Variants in ABCA4 observed in about 807,000 individuals in gnomAD.
ABCA4 encodes the protein ATP binding cassette subfamily A member 4, also known as retinal-specific phospholipid-transporting ATPase ABCA4.
Under a neutral mutation model 263.7 loss-of-function variants are expected in ABCA4, and 196 were observed. The ratio of observed to expected loss-of-function variants is 0.74; its 90% CI spans 0.66 to 0.84. The LOEUF (loss-of-function observed/expected upper bound fraction) is 0.84, where lower values mean the gene tolerates loss of function less well. ABCA4 is among the 40% of genes least tolerant of loss of function. The probability of loss-of-function intolerance (pLI) is 0.00; values close to 1 mark genes in which losing one functional copy is unlikely to be tolerated. For missense variants in ABCA4, 2,792 were observed against 2,855.1 expected (o/e 0.98, Z 0.50); for synonymous variants, 1,133 against 1,094.2 (o/e 1.04, Z -0.70).
At chr1:94,090,104 A>C (rs949798124) in intron 6 of ABCA4, among the ~76,000 whole-genome samples, 1 of 152,076 alleles carries the variant, frequency 6.6e-6, no homozygotes, top group Non-Finnish European at 1.5e-5. Context: ...GATGTGGGGG[A>C]AACAGGAGTA....
At chr1:94,106,444 G>A (rs748265201) in intron 4 of ABCA4, among the ~76,000 whole-genome samples, 27 of 152,112 alleles carry the variant, frequency 1.8e-4, no homozygotes, top group Non-Finnish European at 2.8e-4. Flanking sequence ...ATGTCATCCC[G>A]CCAGGAGCTG....
At position 94,025,010 on chromosome 1, in the gene ABCA4, C is replaced by T. The variant is rs138831474; in HGVS notation, c.4578G>A (p.Thr1526=). ...CCAAGAAGTCGGAGATGTTCCTGTC[C>T]GTCAGGTCTTGTAGAATTTCCGTGC... ...QRSTEILQDL[T]DRNISDFLVK... Residue 1526 remains threonine, a synonymous_variant, in exon 31 of 50, where the codon ACG becomes ACA. Coordinates refer to ENST00000370225, the MANE Select transcript of ABCA4 (RefSeq NM_000350.3). 3.1e-4 allele frequency: 498 copies of T among 1,614,140 alleles called. No individual in the cohort carries two copies. Among genetic ancestry groups the T allele is most frequent in the Non-Finnish European group, 3.8e-4 (448 of 1,180,018 alleles).
intron 11 of ABCA4, among the ~76,000 whole-genome samples, chr1:94,066,629 G>A (rs1661275440): frequency 6.6e-6 from 1 of 152,230 alleles, no homozygotes; most frequent in African/African-American, 2.4e-5. Context: ...GAGGAGCAAA[G>A]GGCCTTGCCC....
rs201353337 is a variant in ABCA4 at position 94,019,648 on chromosome 1, C to T, written c.5130G>A (p.Lys1710=). 1 of 1,612,794 alleles carries T rather than the reference C, an allele frequency of 6.2e-7. No homozygotes were observed. Residue 1710 remains lysine (K), a synonymous_variant, in exon 36 of 50, where the codon AAG becomes AAA. Coordinates refer to ENST00000370225, the MANE Select transcript of ABCA4 (RefSeq NM_000350.3). ...TCACTCCACTGATAAACTGGAGGTG[C>T]TTGGATTTGTTCACCCGCTCCTGGA... The part of the protein sequence containing the change: ...YLIQERVNKS[K]HLQFISGVSP...
At chr1:94,008,672 G>T in intron 41 of ABCA4, 79 bp downstream of exon 41, 1 of 1,597,848 alleles carries the variant, frequency 6.3e-7, no homozygotes, top group Non-Finnish European at 8.6e-7. Flanking sequence ...CATATCAATT[G>T]TTCTATAGAA....
At chr1:94,066,888 G>A (rs1204128843) in intron 11 of ABCA4, among the ~76,000 whole-genome samples, 1 of 152,214 alleles carries the variant, frequency 6.6e-6, no homozygotes, top group Non-Finnish European at 1.5e-5. Context: ...AATATCTATT[G>A]AACACTTAAA....
At chr1:94,069,822 G>A (rs554410978) in intron 11 of ABCA4, among the ~76,000 whole-genome samples, 4 of 152,132 alleles carry the variant, frequency 2.6e-5, no homozygotes, top group Admixed American at 1.3e-4. Context: ...CATCTGAAAC[G>A]TTCACCCACA....
At chr1:93,999,610 G>A (rs925852835) in intron 47 of ABCA4, among the ~76,000 whole-genome samples, 7 of 152,186 alleles carry the variant, frequency 4.6e-5, no homozygotes, top group East Asian at 1.9e-4. Flanking sequence ...CACGGCTAGC[G>A]GGTGTCAGTA....
chr1:94,047,053 C>T lies in ABCA4; in HGVS notation c.2784G>A (p.Gly928=). The change falls in exon 19 of 50, where the codon GGG becomes GGA. Residue 928 remains glycine (G), a synonymous_variant. Coordinates refer to ENST00000370225, the MANE Select transcript of ABCA4 (RefSeq NM_000350.3). ...TCTTTACCAGATTCTTCACGCATAC[C>T]CCAGGAACCCACCCTGGATGCTCAC... ...FEREHPGWVP[G]VCVKNLVKIF... 7.4e-6 allele frequency: 12 copies of T among 1,614,114 alleles called. 1 individual carries two copies. The South Asian group carries it at 8.8e-5, about 12-fold the overall frequency.
At chr1:94,020,591 G>A (rs548617822) in intron 35 of ABCA4, among the ~76,000 whole-genome samples, 1 of 152,218 alleles carries the variant, frequency 6.6e-6, no homozygotes, top group African/African-American at 2.4e-5. Flanking sequence ...ACACCAAGGA[G>A]CCAAGGCCCA....
In ABCA4 at chr1:94,030,416, G is replaced by A. The variant is rs749028617; in HGVS notation, c.4352+12C>T. ...GCTAGTCTTCTTAGGACAGGGGCGC[G>A]TAGGCACTTACGGAAGCCACCCTTC... On this transcript the variant is annotated intron_variant, in intron 29 of 49. Coordinates refer to ENST00000370225, the MANE Select transcript of ABCA4 (RefSeq NM_000350.3). 3.2e-5 allele frequency: 51 copies of A among 1,613,304 alleles called. No individual in the cohort carries two copies. Among genetic ancestry groups the A allele is most frequent in the African/African-American group, 6.7e-5 (5 of 74,918 alleles).
At chr1:94,001,803 C>T (rs776182869) in intron 45 of ABCA4, 55 bp downstream of exon 45, 26 of 1,613,536 alleles carry the variant, frequency 1.6e-5, no homozygotes, top group Non-Finnish European at 2.1e-5. Flanking sequence ...TTTCCCCAAC[C>T]CAAGAGACCC....
chr1:94,105,885 C>T (rs767286617), intron 4 of ABCA4, among the ~76,000 whole-genome samples: 17 of 152,192 alleles, frequency 1.1e-4, no homozygotes, highest in Non-Finnish European at 1.9e-4. Flanking sequence ...CAGAAGCACG[C>T]ACCAGCACCA....
chr1:94,088,890 G>A (rs549557734), intron 6 of ABCA4, among the ~76,000 whole-genome samples: 2 of 152,312 alleles, frequency 1.3e-5, no homozygotes, highest in South Asian at 4.1e-4. Flanking sequence ...ATGTCTCCAG[G>A]GAGGCTGCGC....
chr1:94,119,674 G>A (rs543649157), intron 1 of ABCA4, among the ~76,000 whole-genome samples: 1 of 152,032 alleles, frequency 6.6e-6, no homozygotes, highest in Non-Finnish European at 1.5e-5. Context: ...CAGCCCTAGG[G>A]GTGGGAGCTG....
intron 30 of ABCA4, among the ~76,000 whole-genome samples, chr1:94,028,713 C>G (rs1660103055): frequency 6.6e-6 from 1 of 151,904 alleles, no homozygotes; most frequent in Non-Finnish European, 1.5e-5. Context: ...TCAACACCAG[C>G]CTGGCCAACA....
intron 48 of ABCA4, 116 bp downstream of exon 48, chr1:93,997,745 G>A: frequency 7.3e-7 from 1 of 1,363,928 alleles, no homozygotes; most frequent in Non-Finnish European, 1.0e-6. Context: ...TAAACAGAGG[G>A]CAAGAGTTTG....
rs35529737 is a variant in ABCA4, at chr1:94,091,579, TCACACACACACACACACA to T, written c.768+7197_768+7214del. Among the ~76,000 whole-genome samples the T allele has an allele frequency of 3.5e-5, 5 of 143,756 alleles. No homozygotes were observed. The East Asian group carries it at 8.2e-4, about 24-fold the overall frequency. 94.3% of individuals were successfully genotyped at this position (143,756 alleles called of 152,430 possible). The stretch of plus-strand genomic sequence containing the variant: ...ACAGATCAAAATGGCAAACATCATC[TCACACACACACACACACA>T]CACACACACACACACACACACACAC... On this transcript the variant is annotated intron_variant, in intron 6 of 49. Coordinates refer to ENST00000370225, the MANE Select transcript of ABCA4 (RefSeq NM_000350.3).
intron 6 of ABCA4, among the ~76,000 whole-genome samples, chr1:94,091,827 A>C (rs1661977370): frequency 1.3e-5 from 2 of 152,208 alleles, no homozygotes; most frequent in African/African-American, 4.8e-5. Flanking sequence ...GTGCTTAAGA[A>C]ATTGATATAA....
Sources: allele counts gnomAD v4.1 joint callset (sites outside exome capture counted in the v4.1 genomes callset), GRCh38; gene constraint gnomAD v4.1.1; transcripts MANE v1.5; gene names NCBI Gene and HGNC (gene_info 2026-07-23, HGNC 2026-07-21).